RAP1GAP2: variants seen among roughly 807,000 people sequenced by gnomAD.
RAP1GAP2 encodes the protein rap1 GTPase-activating protein 2.
RAP1GAP2 carries 27 observed loss-of-function variants against 95.0 expected under a neutral mutation model. That is an observed-to-expected ratio of 0.28 (90% CI 0.21 to 0.39). RAP1GAP2 has a LOEUF of 0.39. Ranked by LOEUF, RAP1GAP2 falls within the 10% of genes least tolerant of loss-of-function variation. The pLI is 1.00. For synonymous variants in RAP1GAP2, 373 were observed against 380.9 expected (o/e 0.98, Z 0.24); for missense variants, 771 against 970.0 (o/e 0.79, Z 2.72).
At chr17:2,947,550 G>A (rs1597691019) in intron 3 of RAP1GAP2, among the ~76,000 whole-genome samples, 1 of 152,304 alleles carries the variant, frequency 6.6e-6, no homozygotes, top group East Asian at 1.9e-4. Context: ...AATGTTTATT[G>A]AGCATCTACT....
chr17:2,917,329 G>A lies in RAP1GAP2; in HGVS notation c.165+11961G>A, dbSNP rs573188993. ...CTTGTTGCCCAGGCTGGAGGGCAAT[G>A]GCGCGATCTCGGCTCACTGCAACCT... On this transcript the variant is annotated intron_variant, in intron 3 of 24. Coordinates refer to ENST00000254695, the MANE Select transcript of RAP1GAP2 (RefSeq NM_015085.5). Among the ~76,000 whole-genome samples the A allele has an allele frequency of 1.2e-4, 19 of 152,186 alleles. No homozygotes were observed. The South Asian group carries it at 2.1e-3, about 17-fold the overall frequency.
intron 2 of RAP1GAP2, among the ~76,000 whole-genome samples, chr17:2,801,597 A>ATGTG (rs71150898): frequency 0.022 from 2,722 of 121,706 alleles, 97 homozygotes; most frequent in African/African-American, 0.071. Flanking sequence ...ACTCCAGGGT[A>ATGTG]TGTGTGTGTG....
rs368486726 is a variant in RAP1GAP2 at position 3,000,984 on chromosome 17, C to G, written c.1200+2608C>G. ...CCAAGCACCAGGCTGAAGTGAGGCT[C>G]GTGGAGGTAACAGTATCAGCCTCAG... is the stretch of plus-strand genomic sequence containing the variant. On this transcript the variant is annotated intron_variant, in intron 14 of 24. Coordinates refer to ENST00000254695, the MANE Select transcript of RAP1GAP2 (RefSeq NM_015085.5). 6.4e-3 allele frequency among the ~76,000 whole-genome samples: 78 copies of G among 12,228 alleles called. 2 individuals carry two copies. Among genetic ancestry groups the G allele is most frequent in the African/African-American group, 0.012 (7 of 578 alleles). The allele number at this position is 12,228 out of a possible 152,430, so 8.0% of individuals were successfully genotyped here.
intron 2 of RAP1GAP2, among the ~76,000 whole-genome samples, chr17:2,808,240 C>G (rs2069605376): frequency 6.6e-6 from 1 of 152,042 alleles, no homozygotes; most frequent in East Asian, 1.9e-4. Flanking sequence ...GAGGGAGTGG[C>G]CTTCCCTGCC....
At chr17:2,782,290 C>T (rs1192843833) in intron 1 of RAP1GAP2, among the ~76,000 whole-genome samples, 1 of 152,198 alleles carries the variant, frequency 6.6e-6, no homozygotes, top group African/African-American at 2.4e-5. Flanking sequence ...CCCATCCTCC[C>T]GAGCTCTGAG....
chr17:2,998,430 G>A, intron 14 of RAP1GAP2, 54 bp downstream of exon 14: 1 of 1,578,406 alleles, frequency 6.3e-7, no homozygotes, highest in Non-Finnish European at 8.7e-7. Flanking sequence ...CTCACCCTGT[G>A]TGGATGCTGT....
At chr17:2,859,311 A>T (rs2072276669) in intron 2 of RAP1GAP2, among the ~76,000 whole-genome samples, 1 of 151,914 alleles carries the variant, frequency 6.6e-6, no homozygotes, top group African/African-American at 2.4e-5. Context: ...GGGTTTTACC[A>T]TGTTGGCCAG....
At chr17:2,762,924 C>G (rs2071283211) in intron 1 of RAP1GAP2, among the ~76,000 whole-genome samples, 1 of 152,092 alleles carries the variant, frequency 6.6e-6, no homozygotes, top group Non-Finnish European at 1.5e-5. Context: ...AATCCTCCTA[C>G]CTCAGCCTCT....
intron 4 of RAP1GAP2, chr17:2,962,334 C>T (rs1445886077): frequency 6.1e-6 from 2 of 328,936 alleles, no homozygotes; most frequent in African/African-American, 2.2e-5. Flanking sequence ...CCACCATAGT[C>T]GATGCCATCA....
chr17:2,757,188 G>C (rs1041270806), intron 1 of RAP1GAP2, among the ~76,000 whole-genome samples: 1 of 152,104 alleles, frequency 6.6e-6, no homozygotes, highest in African/African-American at 2.4e-5. Context: ...GTGCAATCTC[G>C]GCTCACTGCA....
At chr17:2,776,822 C>CGGG (rs2068511649), upstream of RAP1GAP2, among the ~76,000 whole-genome samples, 4 of 122,502 alleles carry the variant, frequency 3.3e-5, no homozygotes, top group African/African-American at 1.2e-4. Context: ...CCCCGCCGCC[C>CGGG]CGGAGGAGGA....
chr17:2,978,583 G>A (rs565299681), intron 8 of RAP1GAP2, among the ~76,000 whole-genome samples: 22 of 152,270 alleles, frequency 1.4e-4, no homozygotes, highest in Non-Finnish European at 2.8e-4. Context: ...GTGGTTGACT[G>A]CAGGTAGCTG....
intron 2 of RAP1GAP2, among the ~76,000 whole-genome samples, chr17:2,887,781 C>T (rs181534473): frequency 6.7e-6 from 1 of 149,250 alleles, no homozygotes; most frequent in Non-Finnish European, 1.5e-5. Context: ...TTCAAGCAAT[C>T]CCCCTGCCTC....
At position 2,965,611 on chromosome 17, in the gene RAP1GAP2, A is replaced by ACTT; in HGVS notation, c.564_565insCTT (p.Ala188_Glu189insLeu). 6.2e-7 allele frequency: 1 copy of ACTT among 1,612,138 alleles called. No homozygotes were observed. Among genetic ancestry groups the ACTT allele is most frequent in the South Asian group, 1.1e-5 (1 of 90,590 alleles). ...TCCTGTCCGTCAAGTGCGAGGAAGC[A>ACTT]GAGGGGATCGAGTACCTCCGGGTCA... On this transcript the variant is annotated inframe_insertion, in exon 8 of 25. Transcript: ENST00000254695. The surrounding 1 kb of genome is among the most constrained non-coding windows in gnomAD (Gnocchi z 4.7).
Position 3,023,818 on chromosome 17 carries a change from C to A in RAP1GAP2, c.1752-2190C>A, listed in dbSNP as rs750913420. On this transcript the variant is annotated intron_variant, in intron 19 of 24. Coordinates refer to ENST00000254695, the MANE Select transcript of RAP1GAP2 (RefSeq NM_015085.5). ...TTTCCCTCCCCTTACCCCCAACCCC[C>A]CGACAGGCCCTGGTGTGTGATGTTC... 3.3e-5 allele frequency among the ~76,000 whole-genome samples: 5 copies of A among 151,970 alleles called. No homozygotes were observed. The South Asian group carries it at 8.3e-4, about 25-fold the overall frequency.
chr17:2,814,741 C>G (rs912748184), intron 2 of RAP1GAP2, among the ~76,000 whole-genome samples: 2 of 152,168 alleles, frequency 1.3e-5, no homozygotes, highest in African/African-American at 4.8e-5. Context: ...CCACCCCCCC[C>G]AACCCCAACA....
At chr17:2,949,098 C>G (rs1196851086) in intron 3 of RAP1GAP2, among the ~76,000 whole-genome samples, 2 of 152,146 alleles carry the variant, frequency 1.3e-5, no homozygotes, top group African/African-American at 4.8e-5. Flanking sequence ...GTGGTGGGGA[C>G]AGGGGTGGAA....
In RAP1GAP2 at chr17:2,817,395, A is replaced by G. The variant is rs1310511518; in HGVS notation, c.80+16845A>G. Among the ~76,000 whole-genome samples the G allele has an allele frequency of 4.2e-5, 5 of 118,992 alleles. 2 individuals are homozygous for G. The highest frequency in any genetic ancestry group is 8.1e-5 in the Non-Finnish European group (4 of 49,526). 78.1% of individuals were successfully genotyped at this position (118,992 alleles called of 152,430 possible). On this transcript the variant is annotated intron_variant, in intron 2 of 24. Coordinates refer to ENST00000254695, the MANE Select transcript of RAP1GAP2 (RefSeq NM_015085.5). ...CTGATGGACATCTGAGTTGCTTCCA[A>G]TTTTTTTTTGCTGTTGCGAATAATG...
At chr17:2,970,372 G>A (rs1047003178) in intron 8 of RAP1GAP2, among the ~76,000 whole-genome samples, 1 of 151,022 alleles carries the variant, frequency 6.6e-6, no homozygotes, top group African/African-American at 2.4e-5. Flanking sequence ...GAATAACCTT[G>A]TGCAGACTCA....
Sources: gnomAD v4.1 joint callset for allele counts (sites outside exome capture counted in the v4.1 genomes callset) on GRCh38, gnomAD v4.1.1 for gene constraint, Gnocchi (gnomAD v3.1) non-coding constraint, MANE v1.5 for transcripts, NCBI Gene and HGNC (gene_info 2026-07-23, HGNC 2026-07-21) for gene names.